CRTAC1: variants seen among roughly 807,000 people sequenced by gnomAD.
CRTAC1 encodes the protein cartilage acidic protein 1.
Under a neutral mutation model 67.8 loss-of-function variants are expected in CRTAC1, and 37 were observed. The observed-to-expected ratio is 0.55, with a 90% confidence interval of 0.42 to 0.72. The LOEUF (loss-of-function observed/expected upper bound fraction) is 0.72. CRTAC1 is among the 30% of genes least tolerant of loss of function. The pLI is 0.00. For synonymous variants in CRTAC1, 348 were observed against 371.0 expected (o/e 0.94, Z 0.71); for missense variants, 780 against 931.6 (o/e 0.84, Z 2.12).
intron 2 of CRTAC1, among the ~76,000 whole-genome samples, chr10:98,005,100 A>ATATATATATTTTTTTT: frequency 4.1e-5 from 2 of 48,926 alleles, no homozygotes; most frequent in African/African-American, 1.2e-4. Context: ...ATATATATAT[A>ATATATATATTTTTTTT]TTTTTTTTTT....
intron 5 of CRTAC1, among the ~76,000 whole-genome samples, chr10:97,915,097 C>T (rs1187229700): frequency 6.6e-6 from 1 of 152,206 alleles, no homozygotes; most frequent in Admixed American, 6.5e-5. Context: ...GAACACTCAG[C>T]CAGGCAGCTG....
At chr10:97,936,444 T>A (rs1206164618) in intron 2 of CRTAC1, 78 bp from the exon 3 acceptor site, 2 of 1,241,416 alleles carry the variant, frequency 1.6e-6, no homozygotes, top group Non-Finnish European at 2.3e-6. Flanking sequence ...AGCAACGGGC[T>A]GGGAGTCCTC....
chr10:97,947,770 TGG>T lies in CRTAC1; in HGVS notation c.225-11406_225-11405del, dbSNP rs535752878. Among the ~76,000 whole-genome samples, 4 of 152,290 alleles carry T rather than the reference TGG, an allele frequency of 2.6e-5. No homozygotes were observed. The East Asian group carries it at 7.7e-4, about 29-fold the overall frequency. On this transcript the variant is annotated intron_variant, in intron 2 of 14. Coordinates refer to ENST00000370597, the MANE Select transcript of CRTAC1 (RefSeq NM_018058.7). ...CATGAAACTAAGGATTTATATTTTC[TGG>T]GTCAGGTATGGTGGCTCATGCCTGT...
chr10:97,894,183 A>G (rs2050417556), intron 11 of CRTAC1, among the ~76,000 whole-genome samples: 1 of 152,192 alleles, frequency 6.6e-6, no homozygotes, highest in Admixed American at 6.5e-5. Flanking sequence ...ATAAACTGTC[A>G]AACGATTTTC....
intron 5 of CRTAC1, among the ~76,000 whole-genome samples, chr10:97,910,909 G>A (rs971313027): frequency 1.3e-5 from 2 of 152,216 alleles, no homozygotes; most frequent in Admixed American, 1.3e-4. Context: ...CAAGCCGCAT[G>A]AAAATGAAGC....
chr10:97,961,137 G>A (rs1286312857), intron 2 of CRTAC1, among the ~76,000 whole-genome samples: 1 of 152,024 alleles, frequency 6.6e-6, no homozygotes, highest in Non-Finnish European at 1.5e-5. Context: ...GGCCACGTGT[G>A]AGCCTCACCT....
At chr10:97,919,001 T>C (rs1023522335) in intron 4 of CRTAC1, among the ~76,000 whole-genome samples, 9 of 144,224 alleles carry the variant, frequency 6.2e-5, no homozygotes, top group African/African-American at 2.3e-4. Context: ...GTCAGGCTGG[T>C]CTCGAACTTC....
At chr10:97,879,660 G>GT (rs756740290) in intron 14 of CRTAC1, 15 of 1,532,596 alleles carry the variant, frequency 9.8e-6, no homozygotes, top group South Asian at 3.7e-5. Flanking sequence ...GTTTTGTTTT[G>GT]TTTTTTCCTT....
chr10:97,926,825 T>G (rs1462269481), intron 3 of CRTAC1, among the ~76,000 whole-genome samples: 1 of 152,204 alleles, frequency 6.6e-6, no homozygotes, highest in East Asian at 1.9e-4. Context: ...ATGGCTGTCC[T>G]GGAGGCAGTG....
At chr10:97,909,195 A>C (rs2050654885) in intron 5 of CRTAC1, among the ~76,000 whole-genome samples, 1 of 152,114 alleles carries the variant, frequency 6.6e-6, no homozygotes, top group Non-Finnish European at 1.5e-5. Flanking sequence ...ATACGTCCTG[A>C]ACAAACCACC....
At chr10:97,892,401 G>T (rs1181588469) in intron 11 of CRTAC1, among the ~76,000 whole-genome samples, 1 of 152,184 alleles carries the variant, frequency 6.6e-6, no homozygotes, top group African/African-American at 2.4e-5. Flanking sequence ...CAGAACCCTG[G>T]ATAAGCAACC....
At chr10:98,001,452 C>A (rs1842686579) in intron 2 of CRTAC1, among the ~76,000 whole-genome samples, 1 of 152,024 alleles carries the variant, frequency 6.6e-6, no homozygotes, top group Non-Finnish European at 1.5e-5. Flanking sequence ...ATAAGACTTA[C>A]CATGATATTA....
At chr10:98,012,245 C>T (rs940306718) in intron 1 of CRTAC1, among the ~76,000 whole-genome samples, 1 of 152,098 alleles carries the variant, frequency 6.6e-6, no homozygotes, top group African/African-American at 2.4e-5. Flanking sequence ...TAGCCTGGGG[C>T]CATGGGAGCC....
intron 8 of CRTAC1, 74 bp downstream of exon 8, chr10:97,901,429 T>C: frequency 6.3e-7 from 1 of 1,595,600 alleles, no homozygotes; most frequent in Non-Finnish European, 8.6e-7. Context: ...TTCTGATTCT[T>C]AAACCTTCTC....
chr10:97,916,515 T>A (rs1469969471), intron 5 of CRTAC1, among the ~76,000 whole-genome samples: 1 of 152,162 alleles, frequency 6.6e-6, no homozygotes, highest in Non-Finnish European at 1.5e-5. Context: ...GACAACCCTT[T>A]CTGGGCAGGA....
chr10:98,014,802 T>G (rs1190545050), intron 1 of CRTAC1, among the ~76,000 whole-genome samples: 1 of 151,980 alleles, frequency 6.6e-6, no homozygotes, highest in Non-Finnish European at 1.5e-5. Context: ...AGAAAAAAAG[T>G]GTTGGTGAGG....
At chr10:97,912,175 C>CT (rs1296334577) in intron 5 of CRTAC1, among the ~76,000 whole-genome samples, 1 of 152,164 alleles carries the variant, frequency 6.6e-6, no homozygotes, top group Non-Finnish European at 1.5e-5. Flanking sequence ...TGGAAGGTGC[C>CT]TTGGAAAATG....
At chr10:97,878,717 C>G (rs1158652885) in intron 14 of CRTAC1, 1 of 1,303,288 alleles carries the variant, frequency 7.7e-7, no homozygotes, top group Admixed American at 2.3e-5. Context: ...CTGAGATGAG[C>G]CAGGCCTATG....
At chr10:98,021,927 T>G (rs969108635) in intron 1 of CRTAC1, among the ~76,000 whole-genome samples, 10 of 152,194 alleles carry the variant, frequency 6.6e-5, no homozygotes, top group African/African-American at 2.4e-4. Flanking sequence ...CTATACACAT[T>G]AATTCTTCAA....
Sources: gnomAD v4.1 joint callset for allele counts (sites outside exome capture counted in the v4.1 genomes callset) on GRCh38, gnomAD v4.1.1 for gene constraint, MANE v1.5 for transcripts, NCBI Gene and HGNC (gene_info 2026-07-23, HGNC 2026-07-21) for gene names.